Variants in ASB10 observed in about 807,000 individuals in gnomAD.
ASB10 encodes ankyrin repeat and SOCS box protein 10.
ASB10 carries 44 observed loss-of-function variants against 35.4 expected under a neutral mutation model. The observed-to-expected ratio is 1.24, with a 90% CI of 0.98 to 1.60. The LOEUF is 1.60. ASB10 is among the 40% of genes most tolerant of loss of function. ASB10 has a pLI of 0.00. For missense variants in ASB10, 647 were observed against 634.3 expected (o/e 1.02, Z -0.22); for synonymous variants, 294 against 280.4 (o/e 1.05, Z -0.49).
chr7:151,176,390 C>G, intron 4 of ASB10, 93 bp from the exon 5 acceptor site: 14 of 1,478,226 alleles, frequency 9.5e-6, no homozygotes, highest in Non-Finnish European at 1.3e-5. Flanking sequence ...GGTGGGGCAT[C>G]TACCGGAAGG....
At chr7:151,178,967 C>A (rs887190313) in intron 3 of ASB10, among the ~76,000 whole-genome samples, 1 of 152,152 alleles carries the variant, frequency 6.6e-6, no homozygotes, top group Non-Finnish European at 1.5e-5. Context: ...GTCTGGAATG[C>A]CTGCCTCTTC....
At chr7:151,177,607 G>T (rs1801412164) in intron 3 of ASB10, among the ~76,000 whole-genome samples, 1 of 152,072 alleles carries the variant, frequency 6.6e-6, no homozygotes, top group Non-Finnish European at 1.5e-5. Context: ...CAGGGAGTGG[G>T]GTGGGGCTGG....
chr7:151,175,806 G>T lies in ASB10; in HGVS notation c.*161C>A. ...CTTCATCAGACATCACCCGGCTGCC[G>T]CTGTCGGTCCGCTTCTCTGCATTGG... On this transcript the variant is annotated 3_prime_UTR_variant, in exon 6 of 6. Transcript: ENST00000420175. 2.5e-6 allele frequency: 1 copy of T among 395,176 alleles called. No homozygotes were observed. The highest frequency in any genetic ancestry group is 4.6e-5 in the East Asian group (1 of 21,872). The allele number at this position is 395,176 out of a possible 1,614,324, so 24.5% of individuals were successfully genotyped here.
intron 2 of ASB10, among the ~76,000 whole-genome samples, chr7:151,182,908 A>C (rs1241971979): frequency 1.3e-5 from 2 of 152,200 alleles, no homozygotes; most frequent in Admixed American, 6.5e-5. Flanking sequence ...GACTTTCTAT[A>C]TCTTTAAAAG....
chr7:151,184,882 C>T (rs1393099178), intron 2 of ASB10, among the ~76,000 whole-genome samples: 269 of 151,600 alleles, frequency 1.8e-3, no homozygotes, highest in Admixed American at 4.5e-3. Context: ...ATTAGCCAGG[C>T]ATGGTGGCGG....
upstream of ASB10, chr7:151,187,449 C>A (rs1426232242): frequency 6.4e-7 from 1 of 1,551,178 alleles, no homozygotes; most frequent in African/African-American, 1.4e-5. This position sits in a 1 kb window ranked among gnomAD's most constrained non-coding sequence, Gnocchi z 5.3. Context: ...AGATGCCCCT[C>A]ACCCCTCTGG....
At chr7:151,184,894 G>C (rs967825353) in intron 2 of ASB10, among the ~76,000 whole-genome samples, 7 of 151,130 alleles carry the variant, frequency 4.6e-5, no homozygotes, top group Non-Finnish European at 7.4e-5. Flanking sequence ...TGGTGGCGGG[G>C]GCCTGTAGTC....
chr7:151,184,370 G>T (rs770650118), intron 2 of ASB10, among the ~76,000 whole-genome samples: 1 of 149,834 alleles, frequency 6.7e-6, no homozygotes, highest in Non-Finnish European at 1.5e-5. Context: ...CCGATATCAC[G>T]CCACTGCACT....
At position 151,187,015 on chromosome 7, in the gene ASB10, A is replaced by G; in HGVS notation, c.116T>C (p.Leu39Pro). The G allele has an allele frequency of 6.2e-7, 1 of 1,610,790 alleles. No homozygotes were observed. The highest frequency in any genetic ancestry group is 1.1e-5 in the South Asian group (1 of 90,768). ...EKPSRGSEEH[L>P]KSGPGPIVTR... is the part of the protein sequence containing the mutation. Reference sequence around the variant, plus strand: ...GACGATGGGTCCCGGGCCAGACTTGAGGTGCTCCTCAGACCCTCTGCTGGG... The same window carrying G: ...GACGATGGGTCCCGGGCCAGACTTGGGGTGCTCCTCAGACCCTCTGCTGGG... The change falls in exon 1 of 6, where the codon CTC (leucine) becomes CCC (proline). Residue 39 changes from leucine to proline, a missense_variant. Transcript: ENST00000420175. The surrounding 1 kb of genome is among the most constrained non-coding windows in gnomAD (Gnocchi z 5.3).
At position 151,176,692 on chromosome 7, in the gene ASB10, G is replaced by A. The variant is rs1223925781; in HGVS notation, c.1105-16C>T. 2 of 1,527,138 alleles carry A rather than the reference G, an allele frequency of 1.3e-6. No homozygotes were observed. The highest frequency in any genetic ancestry group is 1.8e-6 in the Non-Finnish European group (2 of 1,125,266). The allele number at this position is 1,527,138 out of a possible 1,614,324, so 94.6% of individuals were successfully genotyped here. Reference sequence around the variant, plus strand: ...GCTCCAGCACCTGTGGGAGGCAGAGGCATGTTGGGTCCTCAGTCAGTCCAC... The same window carrying A: ...GCTCCAGCACCTGTGGGAGGCAGAGACATGTTGGGTCCTCAGTCAGTCCAC... On this transcript the variant is annotated splice_polypyrimidine_tract_variant and intron_variant, in intron 3 of 5. Coordinates refer to ENST00000420175, the MANE Select transcript of ASB10 (RefSeq NM_001142459.2).
At chr7:151,178,041 A>G (rs556280834) in intron 3 of ASB10, among the ~76,000 whole-genome samples, 1 of 152,330 alleles carries the variant, frequency 6.6e-6, no homozygotes, top group African/African-American at 2.4e-5. Context: ...TGAGGTCAGC[A>G]GTTTGAGACC....
Position 151,181,535 on chromosome 7 carries a change from TC to T in ASB10, c.585-78del. The T allele has an allele frequency of 4.1e-6, 6 of 1,467,914 alleles. No individual in the cohort carries two copies. In the South Asian group the frequency reaches 8.3e-5, roughly 20 times the overall value. The allele number at this position is 1,467,914 out of a possible 1,614,324, so 90.9% of individuals were successfully genotyped here. The stretch of plus-strand genomic sequence containing the variant: ...GGAACACACTTGGGTGGCTCTTGGT[TC>T]TGTCTCCCCCCACCCACCCTCCATC... On this transcript the variant is annotated intron_variant, in intron 2 of 5. Coordinates refer to ENST00000420175, the MANE Select transcript of ASB10 (RefSeq NM_001142459.2).
rs890604694 is a variant in ASB10, at chr7:151,175,823, C to T, written c.*144G>A. 9.0e-6 allele frequency: 4 copies of T among 444,254 alleles called. No homozygotes were observed. The highest frequency in any genetic ancestry group is 1.2e-5 in the Non-Finnish European group (3 of 250,930). 27.5% of individuals were successfully genotyped at this position (444,254 alleles called of 1,614,324 possible). Reference sequence around the variant, plus strand: ...CGGCTGCCGCTGTCGGTCCGCTTCTCTGCATTGGGAATTGCAGCATCCACA... The same window carrying T: ...CGGCTGCCGCTGTCGGTCCGCTTCTTTGCATTGGGAATTGCAGCATCCACA... On this transcript the variant is annotated 3_prime_UTR_variant, in exon 6 of 6. Coordinates refer to ENST00000420175, the MANE Select transcript of ASB10 (RefSeq NM_001142459.2).
chr7:151,185,044 A>T (rs575158699), intron 2 of ASB10, among the ~76,000 whole-genome samples: 10 of 152,178 alleles, frequency 6.6e-5, no homozygotes, highest in East Asian at 1.9e-4. Flanking sequence ...AATAAATAAA[A>T]AATGGTTACA....
chr7:151,187,333 C>A, upstream of ASB10: 1 of 1,521,972 alleles, frequency 6.6e-7, no homozygotes, highest in African/African-American at 1.4e-5. The surrounding 1 kb of genome is among the most constrained non-coding windows in gnomAD (Gnocchi z 5.3). Context: ...ATTGGGCAAG[C>A]TTTGAGGTCG....
intron 2 of ASB10, among the ~76,000 whole-genome samples, chr7:151,185,009 A>G (rs1342139412): frequency 6.6e-6 from 1 of 152,052 alleles, no homozygotes. Flanking sequence ...GCGGCAGAGC[A>G]AGACTCCGTC....
chr7:151,186,744 G>A, intron 1 of ASB10, 71 bp downstream of exon 1: 1 of 1,536,726 alleles, frequency 6.5e-7, no homozygotes, highest in Middle Eastern at 1.7e-4. Context: ...GAGGCAGGAA[G>A]AGGGAGCCCA....
chr7:151,184,673 C>T (rs566127404), intron 2 of ASB10, among the ~76,000 whole-genome samples: 83 of 152,078 alleles, frequency 5.5e-4, no homozygotes, highest in African/African-American at 1.6e-3. Context: ...TGGATGGTGG[C>T]GATGGTTGAA....
chr7:151,186,677 G>A lies in ASB10; in HGVS notation c.317-18C>T. On this transcript the variant is annotated intron_variant, in intron 1 of 5. Coordinates refer to ENST00000420175, the MANE Select transcript of ASB10 (RefSeq NM_001142459.2). ...CCAGAGTCCTAGGGAGGGGAGACGT[G>A]GGCCTCAGATCCCCAGGGAAGGCAG... 1 of 1,587,604 alleles carries A rather than the reference G, an allele frequency of 6.3e-7. No individual in the cohort carries two copies. The highest frequency in any genetic ancestry group is 8.6e-7 in the Non-Finnish European group (1 of 1,163,772).
Sources: gnomAD v4.1 joint callset for allele counts (sites outside exome capture counted in the v4.1 genomes callset) on GRCh38, gnomAD v4.1.1 for gene constraint, Gnocchi (gnomAD v3.1) non-coding constraint, MANE v1.5 for transcripts, NCBI Gene and HGNC (gene_info 2026-07-23, HGNC 2026-07-21) for gene names.